SLC9A9: variants seen among roughly 807,000 people sequenced by gnomAD.
SLC9A9 encodes the protein solute carrier family 9 member A9.
SLC9A9 carries 62 observed loss-of-function variants against 77.8 expected under a neutral mutation model. The observed-to-expected ratio is 0.80, with a 90% CI of 0.65 to 0.98. SLC9A9 has a LOEUF of 0.98. Among genes scored for constraint, SLC9A9 ranks in the 50% least tolerant of loss-of-function variants. The pLI is 0.00. For synonymous variants in SLC9A9, 320 were observed against 283.5 expected (o/e 1.13, Z -1.29); for missense variants, 775 against 774.9 (o/e 1.00, Z 0.00).
chr3:143,566,115 G>A (rs2037163090), intron 8 of SLC9A9, among the ~76,000 whole-genome samples: 1 of 152,104 alleles, frequency 6.6e-6, no homozygotes, highest in African/African-American at 2.4e-5. Flanking sequence ...ATCTCAACAT[G>A]TCCAGTAATA....
chr3:143,349,543 AAGAT>A (rs1203586520), intron 14 of SLC9A9, among the ~76,000 whole-genome samples: 1 of 152,224 alleles, frequency 6.6e-6, no homozygotes, highest in African/African-American at 2.4e-5. Flanking sequence ...AACATCCTGC[AAGAT>A]AGGTATTATC....
intron 5 of SLC9A9, among the ~76,000 whole-genome samples, chr3:143,683,599 A>G (rs2108775217): frequency 6.6e-6 from 1 of 152,242 alleles, no homozygotes; most frequent in Admixed American, 6.5e-5. Flanking sequence ...GGATTATGGA[A>G]CAATTTTCAG....
At chr3:143,576,964 T>C (rs1355241860) in intron 7 of SLC9A9, among the ~76,000 whole-genome samples, 1 of 152,178 alleles carries the variant, frequency 6.6e-6, no homozygotes, top group Non-Finnish European at 1.5e-5. Context: ...TTATCTCCAA[T>C]AGCCAGCCAA....
At chr3:143,644,374 C>G (rs370495858) in intron 6 of SLC9A9, among the ~76,000 whole-genome samples, 5 of 152,176 alleles carry the variant, frequency 3.3e-5, no homozygotes. Flanking sequence ...TTCTAAGTTA[C>G]GGGGTAGAGT....
chr3:143,692,687 ATAAC>A (rs1446968713), intron 5 of SLC9A9, among the ~76,000 whole-genome samples: 1 of 152,212 alleles, frequency 6.6e-6, no homozygotes, highest in Non-Finnish European at 1.5e-5. Context: ...ATTCAGGATG[ATAAC>A]TCAAAATGGC....
intron 4 of SLC9A9, among the ~76,000 whole-genome samples, chr3:143,780,757 C>G (rs1029999947): frequency 1.3e-5 from 2 of 152,072 alleles, no homozygotes; most frequent in East Asian, 3.9e-4. Flanking sequence ...CGAAAACTGG[C>G]CAAGTGGACA....
chr3:143,313,732 T>C (rs73868774), intron 14 of SLC9A9, among the ~76,000 whole-genome samples: 16,014 of 152,272 alleles, frequency 0.11, 1,241 homozygotes, highest in African/African-American at 0.22. Flanking sequence ...TCTCCCTGCT[T>C]CCACCATTCT....
At chr3:143,493,537 A>C in intron 11 of SLC9A9, 116 bp downstream of exon 11, 2 of 851,006 alleles carry the variant, frequency 2.4e-6, no homozygotes, top group Non-Finnish European at 3.9e-6. Flanking sequence ...TGTTAGGTAC[A>C]ATGGGATAAA....
chr3:143,467,738 A>AAC (rs1267027395), intron 11 of SLC9A9, among the ~76,000 whole-genome samples: 1 of 150,076 alleles, frequency 6.7e-6, no homozygotes, highest in Non-Finnish European at 1.5e-5. Context: ...AGAGAGAGAG[A>AAC]GAGAGAGAGA....
intron 12 of SLC9A9, among the ~76,000 whole-genome samples, chr3:143,446,108 TG>T (rs2034836406): frequency 6.6e-6 from 1 of 152,070 alleles, no homozygotes; most frequent in Admixed American, 6.6e-5. Flanking sequence ...GTAATTAATC[TG>T]GGTTTTTAAA....
At chr3:143,378,861 T>C (rs1285760863) in intron 13 of SLC9A9, among the ~76,000 whole-genome samples, 1 of 152,198 alleles carries the variant, frequency 6.6e-6, no homozygotes, top group Non-Finnish European at 1.5e-5. Context: ...CTTTTGTGCC[T>C]GGTACAAATA....
chr3:143,766,651 C>T lies in SLC9A9; in HGVS notation c.533+28350G>A, dbSNP rs529367117. On this transcript the variant is annotated intron_variant, in intron 4 of 15. Coordinates refer to ENST00000316549, the MANE Select transcript of SLC9A9 (RefSeq NM_173653.4). The stretch of plus-strand genomic sequence containing the variant: ...GTGGCCTGATCTTGGGTCACTGCAA[C>T]CTCTGTCTCCCAGGTTCAAGTGATT... 1.4e-4 allele frequency among the ~76,000 whole-genome samples: 22 copies of T among 152,036 alleles called. No homozygotes were observed. The South Asian group carries it at 3.7e-3, about 26-fold the overall frequency.
At chr3:143,468,305 A>C (rs1042790202) in intron 11 of SLC9A9, among the ~76,000 whole-genome samples, 9 of 152,216 alleles carry the variant, frequency 5.9e-5, no homozygotes, top group Non-Finnish European at 1.0e-4. Context: ...TAAGTCATCC[A>C]ATTTCTCTGC....
At chr3:143,522,973 T>C (rs2036337854) in intron 9 of SLC9A9, among the ~76,000 whole-genome samples, 2 of 152,294 alleles carry the variant, frequency 1.3e-5, no homozygotes, top group South Asian at 4.1e-4. Flanking sequence ...CACCTCCTGA[T>C]TCTCATTAGG....
At chr3:143,726,526 G>C (rs1900639) in intron 4 of SLC9A9, among the ~76,000 whole-genome samples, 136,498 of 152,224 alleles carry the variant, frequency 0.9, 61,250 homozygotes, top group East Asian at 1. Context: ...TACCTTTTTT[G>C]TCTCATAATA....
chr3:143,277,342 A>G (rs530662983), intron 14 of SLC9A9, among the ~76,000 whole-genome samples: 2 of 152,292 alleles, frequency 1.3e-5, no homozygotes, highest in East Asian at 3.9e-4. Flanking sequence ...GTGCTTGTTA[A>G]ATACCATTCC....
rs565069968 is a variant in SLC9A9, at chr3:143,827,656, C to T, written c.378+4363G>A. ...AATGCCTAACCATCCCAGAAATACA[C>T]GTGCTCTTATAAAATCTTCTAAGAG... On this transcript the variant is annotated intron_variant, in intron 2 of 15. Transcript: ENST00000316549. Among the ~76,000 whole-genome samples, 11 of 152,282 alleles carry T rather than the reference C, an allele frequency of 7.2e-5. No individual in the cohort carries two copies. The South Asian group carries it at 1.4e-3, about 20-fold the overall frequency.
intron 4 of SLC9A9, among the ~76,000 whole-genome samples, chr3:143,712,593 C>G (rs891595202): frequency 2.6e-5 from 4 of 152,066 alleles, no homozygotes; most frequent in African/African-American, 7.2e-5. Context: ...CATTTTTTGT[C>G]CATAAAATGG....
chr3:143,558,275 G>A, intron 8 of SLC9A9, among the ~76,000 whole-genome samples: 1 of 152,202 alleles, frequency 6.6e-6, no homozygotes. Flanking sequence ...AGGGTAGTAT[G>A]GAAGGAAAAT....
Sources: gnomAD v4.1 joint callset for allele counts (sites outside exome capture counted in the v4.1 genomes callset) on GRCh38, gnomAD v4.1.1 for gene constraint, MANE v1.5 for transcripts, NCBI Gene and HGNC (gene_info 2026-07-23, HGNC 2026-07-21) for gene names.